EML1: variants seen among roughly 807,000 people sequenced by gnomAD.
The protein encoded by EML1 is echinoderm microtubule-associated protein-like 1.
Under a neutral mutation model 110.4 loss-of-function variants are expected in EML1, and 27 were observed. The observed-to-expected ratio is 0.24, with a 90% CI of 0.18 to 0.34. EML1 has a LOEUF of 0.34. EML1 is among the 10% of genes least tolerant of loss of function. EML1 has a pLI of 1.00. For synonymous variants in EML1, 344 were observed against 385.8 expected, an observed-to-expected ratio of 0.89 and a Z score of 1.27; for missense variants, 741 against 1,030.9, an observed-to-expected ratio of 0.72 and a Z score of 3.85.
At chr14:99,763,752 C>A (rs1256311704) in intron 1 of EML1, among the ~76,000 whole-genome samples, 1 of 152,218 alleles carries the variant, frequency 6.6e-6, no homozygotes, top group African/African-American at 2.4e-5. Flanking sequence ...ACCTCTCTGA[C>A]CTCAGCACAG....
intron 1 of EML1, among the ~76,000 whole-genome samples, chr14:99,758,418 C>A (rs576683484): frequency 6.6e-6 from 1 of 152,230 alleles, no homozygotes; most frequent in East Asian, 1.9e-4. Context: ...GGGGAGGAGA[C>A]CTGCCTCAGT....
intron 1 of EML1, among the ~76,000 whole-genome samples, chr14:99,755,044 G>A (rs901689048): frequency 6.6e-6 from 1 of 152,264 alleles, no homozygotes; most frequent in African/African-American, 2.4e-5. Flanking sequence ...CACGGGGCAG[G>A]GAACAACAGG....
At chr14:99,874,293 G>A (rs1319667411) in intron 3 of EML1, among the ~76,000 whole-genome samples, 2 of 152,206 alleles carry the variant, frequency 1.3e-5, no homozygotes, top group African/African-American at 4.8e-5. Context: ...CAAGGTTGCA[G>A]GTTTGGGTGT....
chr14:99,809,651 C>T (rs1362533551), intron 1 of EML1: 3 of 456,002 alleles, frequency 6.6e-6, no homozygotes, highest in African/African-American at 4.0e-5. Flanking sequence ...GCGATTTCAA[C>T]ATCCAGAAAG....
intron 1 of EML1, among the ~76,000 whole-genome samples, chr14:99,751,842 G>A (rs566369052): frequency 6.6e-6 from 1 of 152,092 alleles, no homozygotes; most frequent in Non-Finnish European, 1.5e-5. Flanking sequence ...ACCCACAGGG[G>A]TCTATCTGCA....
At chr14:99,853,359 A>T (rs1310637380) in intron 2 of EML1, among the ~76,000 whole-genome samples, 2 of 152,002 alleles carry the variant, frequency 1.3e-5, no homozygotes, top group Non-Finnish European at 2.9e-5. Flanking sequence ...AAACAGGGGC[A>T]GGAGGGGCGT....
chr14:99,786,129 T>C (rs2057597846), intron 1 of EML1, among the ~76,000 whole-genome samples: 1 of 151,526 alleles, frequency 6.6e-6, no homozygotes, highest in African/African-American at 2.4e-5. Context: ...ATATTCAGGT[T>C]ACTAAAGGGA....
chr14:99,917,233 A>T (rs2060048647), intron 15 of EML1, among the ~76,000 whole-genome samples: 1 of 152,180 alleles, frequency 6.6e-6, no homozygotes, highest in Non-Finnish European at 1.5e-5. Flanking sequence ...AGATTACTGT[A>T]GAAATGAGAG....
intron 6 of EML1, among the ~76,000 whole-genome samples, chr14:99,896,035 C>A (rs1321547285): frequency 6.6e-6 from 1 of 151,940 alleles, no homozygotes; most frequent in Non-Finnish European, 1.5e-5. Flanking sequence ...GGGGAAAAAA[C>A]AACTGAAAGA....
intron 1 of EML1, among the ~76,000 whole-genome samples, chr14:99,808,779 T>A (rs2058024157): frequency 6.6e-6 from 1 of 152,176 alleles, no homozygotes; most frequent in African/African-American, 2.4e-5. Flanking sequence ...CTATTTTCCA[T>A]CCAATTCACT....
chr14:99,841,809 G>A (rs1025022594), intron 1 of EML1, among the ~76,000 whole-genome samples: 3 of 152,266 alleles, frequency 2.0e-5, no homozygotes, highest in African/African-American at 4.8e-5. Context: ...AGATCACAAC[G>A]TGGGAGATCG....
At chr14:99,799,862 G>T (rs1272393855) in intron 1 of EML1, among the ~76,000 whole-genome samples, 2 of 152,158 alleles carry the variant, frequency 1.3e-5, no homozygotes, top group Non-Finnish European at 2.9e-5. Context: ...AAAACTAGTA[G>T]CGTGAAAACC....
At chr14:99,908,330 AC>A (rs2059891043) in intron 10 of EML1, among the ~76,000 whole-genome samples, 1 of 152,196 alleles carries the variant, frequency 6.6e-6, no homozygotes, top group Non-Finnish European at 1.5e-5. Context: ...GCCTTGACTG[AC>A]CTTTTTCTAT....
Position 99,911,489 on chromosome 14 carries a change from A to G in EML1, c.1407A>G (p.Leu469=). The part of the protein sequence containing the change: ...HEGGIFALCM[L]RDGTLVSGGG... ...GTGGCATTTTTGCACTTTGTATGTT[A>G]AGAGATGGCACACTGGTGTCGGGAG... The change falls in exon 13 of 22, where the codon TTA becomes TTG. Residue 469 remains leucine, a synonymous_variant. Coordinates refer to ENST00000262233, the MANE Select transcript of EML1 (RefSeq NM_004434.3). 1.9e-6 allele frequency: 3 copies of G among 1,613,058 alleles called. 1 individual carries two copies. Among genetic ancestry groups the G allele is most frequent in the Middle Eastern group, 1.7e-4 (1 of 6,060 alleles).
At chr14:99,825,958 C>T (rs2058344273) in intron 1 of EML1, among the ~76,000 whole-genome samples, 1 of 152,116 alleles carries the variant, frequency 6.6e-6, no homozygotes, top group African/African-American at 2.4e-5. Flanking sequence ...GTAAGCAAGC[C>T]GAGATCCATG....
rs562523324 is a variant in EML1 at position 99,907,893 on chromosome 14, G to A, written c.1104+160G>A. 2.0e-5 allele frequency among the ~76,000 whole-genome samples: 3 copies of A among 152,332 alleles called. No individual in the cohort carries two copies. The South Asian group carries it at 6.2e-4, about 32-fold the overall frequency. ...TTGGCCCCGATCCCTGTCCCATCAT[G>A]GGACTTTGACCCCAGGTCCTGTTAG... On this transcript the variant is annotated intron_variant, in intron 10 of 21. Transcript: ENST00000262233.
At chr14:99,836,180 G>A (rs954852781) in intron 1 of EML1, among the ~76,000 whole-genome samples, 7 of 149,640 alleles carry the variant, frequency 4.7e-5, no homozygotes, top group South Asian at 2.1e-4. Context: ...ATATATCTCC[G>A]TTTCTTTAGA....
At chr14:99,924,522 G>A (rs2060198568) in intron 17 of EML1, among the ~76,000 whole-genome samples, 1 of 152,172 alleles carries the variant, frequency 6.6e-6, no homozygotes, top group Non-Finnish European at 1.5e-5. Flanking sequence ...ACAATATATT[G>A]TAATAAGAGT....
chr14:99,901,283 C>T (rs74962797), intron 9 of EML1, among the ~76,000 whole-genome samples: 72 of 152,264 alleles, frequency 4.7e-4, no homozygotes, highest in Non-Finnish European at 9.0e-4. Flanking sequence ...GAAAACAGGC[C>T]CCCAGAGATA....
Sources: allele counts gnomAD v4.1 joint callset (sites outside exome capture counted in the v4.1 genomes callset), GRCh38; gene constraint gnomAD v4.1.1; transcripts MANE v1.5; gene names NCBI Gene and HGNC (gene_info 2026-07-23, HGNC 2026-07-21).